The following LUZP1 variants were observed in gnomAD, a reference collection of about 807,000 sequenced individuals.
LUZP1 encodes filamin mechanobinding actin cross-linking protein.
LUZP1 carries 25 observed loss-of-function variants against 71.3 expected under a neutral mutation model. That is an observed-to-expected ratio of 0.35 (90% CI 0.26 to 0.49). The LOEUF (loss-of-function observed/expected upper bound fraction) is 0.49. Among genes scored for constraint, LUZP1 ranks in the 20% least tolerant of loss-of-function variants. The pLI, the probability that LUZP1 is intolerant of heterozygous loss-of-function variation, is 0.99. For missense variants in LUZP1, 1,142 were observed against 1,300.8 expected, an observed-to-expected ratio of 0.88 and a Z score of 1.88; for synonymous variants, 481 against 506.4, an observed-to-expected ratio of 0.95 and a Z score of 0.67.
chr1:23,169,558 A>G (rs1005830377), intron 1 of LUZP1, among the ~76,000 whole-genome samples: 2 of 152,186 alleles, frequency 1.3e-5, no homozygotes, highest in African/African-American at 2.4e-5. Flanking sequence ...GTGTGATGCT[A>G]GACAAGTACT....
intron 2 of LUZP1, among the ~76,000 whole-genome samples, chr1:23,135,586 T>C (rs963804259): frequency 3.3e-5 from 5 of 152,144 alleles, no homozygotes; most frequent in African/African-American, 7.2e-5. Context: ...TTAATCAGGA[T>C]TCAAAGCAAC....
chr1:23,101,752 T>C (rs1643933163), intron 3 of LUZP1, among the ~76,000 whole-genome samples: 1 of 152,236 alleles, frequency 6.6e-6, no homozygotes, highest in African/African-American at 2.4e-5. Flanking sequence ...AATGCTTTGC[T>C]ACCTCCTGGA....
chr1:23,106,131 G>GA (rs1333704379), intron 3 of LUZP1, among the ~76,000 whole-genome samples: 2 of 151,662 alleles, frequency 1.3e-5, no homozygotes, highest in Non-Finnish European at 2.9e-5. Flanking sequence ...AAGGCTTAAA[G>GA]AAAAAAAAGA....
At chr1:23,092,104 A>T (rs781619797) in exon 4 of LUZP1, 3 of 1,614,156 alleles carry the variant, frequency 1.9e-6, no homozygotes, top group Non-Finnish European at 2.5e-6. Context: ...GCTCTGACAG[A>T]TTTCACAGAT....
At chr1:23,103,999 C>T (rs1283200476) in intron 3 of LUZP1, among the ~76,000 whole-genome samples, 1 of 150,832 alleles carries the variant, frequency 6.6e-6, no homozygotes, top group East Asian at 2.0e-4. Context: ...ATGGCTGACA[C>T]CAGAGACACA....
At chr1:23,109,358 A>G (rs1201284239) in intron 2 of LUZP1, among the ~76,000 whole-genome samples, 2 of 152,326 alleles carry the variant, frequency 1.3e-5, no homozygotes, top group African/African-American at 4.8e-5. Context: ...CCCCTTTCCT[A>G]TAAGATGATA....
At chr1:23,149,370 C>T (rs1644366328) in intron 2 of LUZP1, among the ~76,000 whole-genome samples, 1 of 152,076 alleles carries the variant, frequency 6.6e-6, no homozygotes, top group Non-Finnish European at 1.5e-5. Flanking sequence ...TCAGTACAGG[C>T]CACAAGATGA....
At chr1:23,101,290 C>A (rs77689623) in intron 3 of LUZP1, among the ~76,000 whole-genome samples, 35 of 152,286 alleles carry the variant, frequency 2.3e-4, no homozygotes, top group Non-Finnish European at 4.6e-4. Flanking sequence ...TAGCAGAATA[C>A]CTTGCACATA....
intron 3 of LUZP1, among the ~76,000 whole-genome samples, chr1:23,098,955 G>A (rs1643911294): frequency 6.6e-6 from 1 of 152,116 alleles, no homozygotes; most frequent in Non-Finnish European, 1.5e-5. Context: ...TGAAGGTGTT[G>A]AAAAAACCAA....
chr1:23,153,929 A>G (rs148360779), intron 2 of LUZP1, among the ~76,000 whole-genome samples: 1 of 152,178 alleles, frequency 6.6e-6, no homozygotes, highest in East Asian at 1.9e-4. Flanking sequence ...CACACAACCC[A>G]AATGCTCCTC....
chr1:23,116,548 C>A (rs1375695655), intron 2 of LUZP1, among the ~76,000 whole-genome samples: 1 of 133,236 alleles, frequency 7.5e-6, no homozygotes, highest in Non-Finnish European at 1.6e-5. Context: ...TTGGCCAAAT[C>A]AGAAGGTGTA....
chr1:23,100,770 T>A (rs147337241), intron 3 of LUZP1, among the ~76,000 whole-genome samples: 2 of 152,220 alleles, frequency 1.3e-5, no homozygotes, highest in African/African-American at 4.8e-5. Flanking sequence ...CCAAAGCAAC[T>A]GATTTTTAGC....
In LUZP1 at chr1:23,089,024, ACT is replaced by A. The variant is rs751411652; in HGVS notation, c.3100_3101del (p.Ser1034CysfsTer13). On this transcript the variant is annotated frameshift_variant, in exon 5 of 5. Coordinates refer to ENST00000302291, the Ensembl canonical transcript of LUZP1. LOFTEE classifies it high-confidence loss of function. ...GGGAGTTGTGCAGTTGCCTGTAGAC[ACT>A]GAGTGTACAGTCTTCCCCTTCTTCC... The A allele has an allele frequency of 6.8e-6, 11 of 1,614,022 alleles. No homozygotes were observed. The highest frequency in any genetic ancestry group is 8.5e-6 in the Non-Finnish European group (10 of 1,179,922).
chr1:23,159,615 G>C (rs1313215299), intron 2 of LUZP1, among the ~76,000 whole-genome samples: 1 of 152,204 alleles, frequency 6.6e-6, no homozygotes. Context: ...ATAAATATTT[G>C]TTGAGTGAAT....
At chr1:23,117,523 GGGGGGGA>G in intron 2 of LUZP1, among the ~76,000 whole-genome samples, 1 of 84,166 alleles carries the variant, frequency 1.2e-5, no homozygotes, top group South Asian at 4.3e-4. Context: ...GGGGGGCGGG[GGGGGGGA>G]ACACCTTGAG....
chr1:23,138,891 G>T (rs61781466), intron 2 of LUZP1, among the ~76,000 whole-genome samples: 21,512 of 147,798 alleles, frequency 0.15, 1,860 homozygotes, highest in South Asian at 0.32. Flanking sequence ...CCAGCTACTC[G>T]GGAGGCTGAG....
intron 2 of LUZP1, among the ~76,000 whole-genome samples, chr1:23,139,019 A>AAAAATATATAT (rs1317355746): frequency 3.3e-4 from 20 of 59,952 alleles, no homozygotes; most frequent in African/African-American, 9.3e-4. Context: ...AAAAAAAAAA[A>AAAAATATATAT]ATATATATAT....
chr1:23,096,088 C>A (rs1201273910), intron 3 of LUZP1, among the ~76,000 whole-genome samples: 1 of 140,490 alleles, frequency 7.1e-6, no homozygotes, highest in East Asian at 2.1e-4. Context: ...AGAGACCATA[C>A]AATAAGTACA....
chr1:23,138,231 C>T (rs1205471297), intron 2 of LUZP1, among the ~76,000 whole-genome samples: 1 of 152,134 alleles, frequency 6.6e-6, no homozygotes, highest in Non-Finnish European at 1.5e-5. Context: ...GCCTCAGCTT[C>T]CCAAAGAGCT....
Sources: allele counts gnomAD v4.1 joint callset (sites outside exome capture counted in the v4.1 genomes callset), GRCh38; gene constraint gnomAD v4.1.1; transcripts MANE v1.5; gene names NCBI Gene and HGNC (gene_info 2026-07-23, HGNC 2026-07-21).